Variants in STPG2 observed in about 807,000 individuals in gnomAD.
STPG2 encodes sperm tail PG-rich repeat containing 2.
In STPG2, 56 loss-of-function variants were observed where a neutral mutation model predicts 54.2. The ratio of observed to expected loss-of-function variants is 1.03; its 90% CI spans 0.83 to 1.29. STPG2 has a LOEUF of 1.29. Ranked by LOEUF, STPG2 falls within the 50% of genes most tolerant of loss-of-function variation. The pLI is 0.00. For missense variants in STPG2, 596 were observed against 544.9 expected (o/e 1.09, Z -0.93); for synonymous variants, 200 against 181.8 (o/e 1.10, Z -0.81).
chr4:97,905,288 T>C (rs1731361429), intron 8 of STPG2, among the ~76,000 whole-genome samples: 4 of 152,070 alleles, frequency 2.6e-5, no homozygotes, highest in Admixed American at 6.5e-5. Flanking sequence ...CAGAAGACAG[T>C]GGGGGCCAAT....
intron 8 of STPG2, among the ~76,000 whole-genome samples, chr4:97,899,584 A>G (rs1731096920): frequency 6.6e-6 from 1 of 150,958 alleles, no homozygotes; most frequent in South Asian, 2.1e-4. Context: ...TTACAGGGCT[A>G]CAGTAACCAA....
intron 10 of STPG2, among the ~76,000 whole-genome samples, chr4:97,700,460 A>C (rs1412073658): frequency 1.3e-5 from 2 of 152,186 alleles, no homozygotes; most frequent in East Asian, 3.9e-4. Context: ...GCAGCAACTT[A>C]TCCTTAACCT....
Position 97,478,714 on chromosome 4 carries a change from A to G in STPG2, c.462+233985T>C, listed in dbSNP as rs547638711. Reference sequence around the variant, plus strand: ...CTTTTGCTAAAATTTTAATTTCATTATGCTATCACGATTGCCTAATAATTC... The same window carrying G: ...CTTTTGCTAAAATTTTAATTTCATTGTGCTATCACGATTGCCTAATAATTC... On this transcript the variant is annotated intron_variant, in intron 4 of 4. Coordinates refer to the STPG2 transcript ENST00000522676. 9.2e-5 allele frequency among the ~76,000 whole-genome samples: 14 copies of G among 152,206 alleles called. No homozygotes were observed. In the South Asian group the frequency reaches 2.1e-3, roughly 23 times the overall value.
chr4:97,938,494 T>C (rs1163025987), intron 8 of STPG2, among the ~76,000 whole-genome samples: 2 of 87,226 alleles, frequency 2.3e-5, no homozygotes, highest in African/African-American at 8.4e-5. Flanking sequence ...ACAGTGACGA[T>C]GGCCACCCAC....
chr4:97,640,416 G>C (rs1284472641), intron 10 of STPG2, among the ~76,000 whole-genome samples: 1 of 151,504 alleles, frequency 6.6e-6, no homozygotes, highest in Non-Finnish European at 1.5e-5. Flanking sequence ...GCCAAAAATT[G>C]GTACAGAAAA....
chr4:98,070,075 G>GT (rs1429811704), intron 5 of STPG2, among the ~76,000 whole-genome samples: 1 of 151,438 alleles, frequency 6.6e-6, no homozygotes, highest in Non-Finnish European at 1.5e-5. Flanking sequence ...TGGCAGAGAT[G>GT]TAACACAATA....
In STPG2 at chr4:97,525,597, CG is replaced by C. The variant is rs137857683; in HGVS notation, c.462+187101del. 3.4e-3 allele frequency among the ~76,000 whole-genome samples: 520 copies of C among 152,004 alleles called. 1 individual carries two copies. Among genetic ancestry groups the C allele is most frequent in the Non-Finnish European group, 5.8e-3 (395 of 67,910 alleles). On this transcript the variant is annotated intron_variant, in intron 4 of 4. Transcript: ENST00000522676. Reference sequence around the variant, plus strand: ...ATAACAATATCAAGGTATTAAACAACGTAATATTCATACTGCTCAGGAGCCA... The same window carrying C: ...ATAACAATATCAAGGTATTAAACAACTAATATTCATACTGCTCAGGAGCCA...
intron 4 of STPG2, among the ~76,000 whole-genome samples, chr4:97,552,326 T>A (rs185959758): frequency 1.3e-5 from 2 of 152,054 alleles, no homozygotes; most frequent in Non-Finnish European, 2.9e-5. Context: ...AGTTCTTACA[T>A]AGGATAAGTG....
intron 5 of STPG2, among the ~76,000 whole-genome samples, chr4:98,030,405 G>C (rs1021144129): frequency 3.3e-5 from 5 of 152,074 alleles, no homozygotes; most frequent in African/African-American, 1.2e-4. Flanking sequence ...TATTGTATCT[G>C]GCTTTATACA....
intron 4 of STPG2, among the ~76,000 whole-genome samples, chr4:97,545,544 A>G (rs752655010): frequency 6.6e-6 from 1 of 152,136 alleles, no homozygotes; most frequent in African/African-American, 2.4e-5. Context: ...AGTGGTAGAA[A>G]TGGAGTGGAA....
intron 5 of STPG2, among the ~76,000 whole-genome samples, chr4:98,053,106 G>C (rs1737377037): frequency 6.6e-6 from 1 of 152,108 alleles, no homozygotes. Flanking sequence ...AGTTTGTTAG[G>C]CCAGACAGAA....
At position 97,511,214 on chromosome 4, in the gene STPG2, G is replaced by C. The variant is rs538519181; in HGVS notation, c.462+201485C>G. On this transcript the variant is annotated intron_variant, in intron 4 of 4. Coordinates refer to the STPG2 transcript ENST00000522676. ...AGACCAAAGTACATGCTATTTACAA[G>C]AAACATGCTTAAATTATGAAGACAC... Among the ~76,000 whole-genome samples the C allele has an allele frequency of 6.8e-4, 104 of 151,852 alleles. 1 individual carries two copies. The South Asian group carries it at 0.02, about 28-fold the overall frequency.
intron 10 of STPG2, among the ~76,000 whole-genome samples, chr4:97,595,235 T>C (rs1195250701): frequency 1.3e-5 from 2 of 151,924 alleles, no homozygotes; most frequent in African/African-American, 4.8e-5. Flanking sequence ...ATTAAGAAAA[T>C]GTGGCACATA....
intron 9 of STPG2, among the ~76,000 whole-genome samples, chr4:97,791,162 T>A (rs533159881): frequency 1.3e-5 from 2 of 152,166 alleles, no homozygotes; most frequent in South Asian, 2.1e-4. Flanking sequence ...TGAGAGCTTT[T>A]TGGAAAAGGT....
chr4:98,117,615 C>T (rs1195535947), intron 3 of STPG2, among the ~76,000 whole-genome samples: 1 of 151,956 alleles, frequency 6.6e-6, no homozygotes, highest in Non-Finnish European at 1.5e-5. Context: ...CTTCTTCATC[C>T]TATTTTCTTT....
chr4:97,606,844 T>C (rs1560682612), intron 10 of STPG2, among the ~76,000 whole-genome samples: 1 of 151,938 alleles, frequency 6.6e-6, no homozygotes, highest in Non-Finnish European at 1.5e-5. Flanking sequence ...TAAATACAAT[T>C]TACAAAGATA....
At chr4:97,853,168 C>A (rs944723049) in intron 8 of STPG2, among the ~76,000 whole-genome samples, 1 of 151,524 alleles carries the variant, frequency 6.6e-6, no homozygotes, top group Non-Finnish European at 1.5e-5. Flanking sequence ...TTAGTACAGA[C>A]GGGGTTTCAC....
chr4:97,597,954 A>G (rs1733342776), intron 10 of STPG2, among the ~76,000 whole-genome samples: 1 of 152,118 alleles, frequency 6.6e-6, no homozygotes, highest in African/African-American at 2.4e-5. Flanking sequence ...CTCTGGTTGC[A>G]GATGATATGA....
intron 7 of STPG2, among the ~76,000 whole-genome samples, chr4:97,955,180 G>A (rs1560608120): frequency 6.6e-6 from 1 of 150,678 alleles, no homozygotes; most frequent in Non-Finnish European, 1.5e-5. Flanking sequence ...CTAAACTGTA[G>A]CATGAAAGCA....
Sources: gnomAD v4.1 joint callset for allele counts (sites outside exome capture counted in the v4.1 genomes callset) on GRCh38, gnomAD v4.1.1 for gene constraint, MANE v1.5 for transcripts, NCBI Gene and HGNC (gene_info 2026-07-23, HGNC 2026-07-21) for gene names.